The following UNC13B variants were observed in gnomAD, a reference collection of about 807,000 sequenced individuals.
UNC13B encodes the protein unc-13 homolog B, also known as protein unc-13 homolog B.
In UNC13B, 144 loss-of-function variants were observed where a neutral mutation model predicts 211.0. The observed-to-expected ratio is 0.68, with a 90% confidence interval of 0.60 to 0.78. The LOEUF is 0.78. UNC13B is among the 30% of genes least tolerant of loss of function. The pLI is 0.00. For missense variants in UNC13B, 1,777 were observed against 2,002.0 expected, an observed-to-expected ratio of 0.89 and a Z score of 2.14; for synonymous variants, 709 against 725.8, an observed-to-expected ratio of 0.98 and a Z score of 0.37.
intron 11 of UNC13B, among the ~76,000 whole-genome samples, chr9:35,354,866 A>G (rs925767811): frequency 3.3e-5 from 5 of 152,194 alleles, no homozygotes; most frequent in African/African-American, 9.7e-5. Flanking sequence ...AAATATATAT[A>G]TACCCTTTAA....
intron 7 of UNC13B, among the ~76,000 whole-genome samples, chr9:35,279,636 C>G (rs1174175084): frequency 1.3e-5 from 2 of 152,100 alleles, no homozygotes; most frequent in Non-Finnish European, 2.9e-5. Context: ...ATTTTATATA[C>G]ATAATTTTAT....
rs889407909 is a variant in UNC13B, at chr9:35,304,504, T to C, written c.5100T>C (p.Asp1700=). The stretch of plus-strand genomic sequence containing the variant: ...GCAGAGATCAAATTATAGAGAGAGA[T>C]AAAAACCAGCCTCTAGCTGAAGATT... ...VSSRDQIIER[D]KNQPLAEDSS... The change falls in exon 9 of 40, where the codon GAT becomes GAC. Residue 1700 remains aspartate, a synonymous_variant. Transcript: ENST00000635942. The C allele has an allele frequency of 2.5e-6, 1 of 398,648 alleles. No individual in the cohort carries two copies. Among genetic ancestry groups the C allele is most frequent in the South Asian group, 1.3e-4 (1 of 7,842 alleles). 24.7% of individuals were successfully genotyped at this position (398,648 alleles called of 1,614,324 possible).
chr9:35,190,767 A>G (rs1466974899), intron 1 of UNC13B, among the ~76,000 whole-genome samples: 4 of 152,240 alleles, frequency 2.6e-5, no homozygotes, highest in Admixed American at 2.0e-4. Flanking sequence ...AAGTATATCT[A>G]TAACTGGGAT....
intron 1 of UNC13B, among the ~76,000 whole-genome samples, chr9:35,181,273 A>G (rs1053835048): frequency 1.3e-5 from 2 of 151,900 alleles, no homozygotes; most frequent in Admixed American, 1.3e-4. Context: ...TTGTTTTTCT[A>G]TGTTTCATGA....
chr9:35,236,349 T>A, intron 3 of UNC13B, 120 bp from the exon 4 acceptor site: 3 of 804,118 alleles, frequency 3.7e-6, no homozygotes, highest in Non-Finnish European at 5.9e-6. Context: ...TGGGAAATTT[T>A]GATTTTTCCT....
intron 37 of UNC13B, 24 bp from the exon 38 acceptor site, chr9:35,403,143 A>G (rs770655173): frequency 1.9e-6 from 3 of 1,606,826 alleles, no homozygotes; most frequent in African/African-American, 2.7e-5. Flanking sequence ...CCAATGGGGA[A>G]TCATCTCTCC....
chr9:35,181,063 A>C (rs1328315978), intron 1 of UNC13B, among the ~76,000 whole-genome samples: 1 of 152,096 alleles, frequency 6.6e-6, no homozygotes. Context: ...ACACCTCTGC[A>C]CTCCAGCCTG....
chr9:35,270,512 CACAA>C (rs1164587113), intron 7 of UNC13B, among the ~76,000 whole-genome samples: 3 of 151,996 alleles, frequency 2.0e-5, no homozygotes, highest in African/African-American at 4.8e-5. Context: ...CTGTAATGTA[CACAA>C]ACAAATTTTA....
At chr9:35,232,686 T>C (rs1228986682) in intron 3 of UNC13B, among the ~76,000 whole-genome samples, 1 of 152,090 alleles carries the variant, frequency 6.6e-6, no homozygotes, top group Non-Finnish European at 1.5e-5. Context: ...AATCTTATAT[T>C]TGAGATTCTT....
At chr9:35,269,085 G>GCA (rs1334579043) in intron 7 of UNC13B, among the ~76,000 whole-genome samples, 2 of 152,156 alleles carry the variant, frequency 1.3e-5, no homozygotes, top group Non-Finnish European at 2.9e-5. Flanking sequence ...TGGAGTTAGT[G>GCA]CAGACCCTAC....
chr9:35,165,738 C>A (rs1379905586), intron 1 of UNC13B, among the ~76,000 whole-genome samples: 6 of 152,064 alleles, frequency 3.9e-5, no homozygotes, highest in East Asian at 1.9e-4. Flanking sequence ...TTTTAAGAAA[C>A]CACTCTTTTA....
chr9:35,246,887 G>T (rs1826133443), intron 6 of UNC13B, among the ~76,000 whole-genome samples: 1 of 152,190 alleles, frequency 6.6e-6, no homozygotes, highest in Non-Finnish European at 1.5e-5. Context: ...ATTCTGTGAA[G>T]AAAGTCATTG....
chr9:35,297,561 T>TTTTTTTTTGTTTTGTTTTTTTG lies in UNC13B; in HGVS notation c.761+1637_761+1638insTTGTTTTGTTTTTTTGTTTTTT. On this transcript the variant is annotated intron_variant, in intron 8 of 39. Coordinates refer to ENST00000635942, the MANE Select transcript of UNC13B (RefSeq NM_001371189.2). ...ACATACTTTGTCTTTTTTTTTTTTT[T>TTTTTTTTTGTTTTGTTTTTTTG]TTTTTTGAGACGGAGTCTCGCTCTT... is the stretch of plus-strand genomic sequence containing the variant. 1.4e-3 allele frequency among the ~76,000 whole-genome samples: 184 copies of TTTTTTTTTGTTTTGTTTTTTTG among 128,210 alleles called. 1 individual carries two copies. The highest frequency in any genetic ancestry group is 2.6e-3 in the Non-Finnish European group (151 of 59,064). The allele number at this position is 128,210 out of a possible 152,430, so 84.1% of individuals were successfully genotyped here.
In UNC13B at chr9:35,208,643, A is replaced by T. The variant is rs963240932; in HGVS notation, c.23-19372A>T. On this transcript the variant is annotated intron_variant, in intron 1 of 39. Coordinates refer to ENST00000635942, the MANE Select transcript of UNC13B (RefSeq NM_001371189.2). ...GTGGGGAGGTGCTACACACTTTTAAAACAACCAGATTTCATAACTCCTCAT... is the reference window on the plus strand; with the variant it reads ...GTGGGGAGGTGCTACACACTTTTAATACAACCAGATTTCATAACTCCTCAT... 3.9e-5 allele frequency among the ~76,000 whole-genome samples: 6 copies of T among 152,254 alleles called. No homozygotes were observed. In the South Asian group the frequency reaches 6.2e-4, roughly 16 times the overall value.
intron 1 of UNC13B, among the ~76,000 whole-genome samples, chr9:35,182,696 A>G (rs1225378235): frequency 6.6e-6 from 1 of 152,134 alleles, no homozygotes; most frequent in Non-Finnish European, 1.5e-5. Context: ...GCTGCCTTCA[A>G]GCATCTGTTT....
chr9:35,286,669 A>G (rs1828814329), intron 7 of UNC13B, among the ~76,000 whole-genome samples: 2 of 152,112 alleles, frequency 1.3e-5, no homozygotes, highest in Non-Finnish European at 2.9e-5. Flanking sequence ...AGCCTGGACA[A>G]CATAGTGAGG....
At position 35,213,321 on chromosome 9, in the gene UNC13B, G is replaced by A. The variant is rs376255904; in HGVS notation, c.23-14694G>A. On this transcript the variant is annotated intron_variant, in intron 1 of 39. Transcript: ENST00000635942. ...ACCAGGCAGTTTGTACTCCTTTCCC[G>A]GTCTCCCCTGCATCTGGTATCAGGA... is the stretch of plus-strand genomic sequence containing the variant. Among the ~76,000 whole-genome samples, 8 of 152,036 alleles carry A rather than the reference G, an allele frequency of 5.3e-5. No individual in the cohort carries two copies. The South Asian group carries it at 1.5e-3, about 28-fold the overall frequency.
intron 7 of UNC13B, among the ~76,000 whole-genome samples, chr9:35,287,138 CT>C (rs35553171): frequency 1.0e-3 from 142 of 142,474 alleles, no homozygotes; most frequent in Middle Eastern, 7.4e-3. Context: ...TTCTTTCTTT[CT>C]TTTTTTTTTT....
intron 1 of UNC13B, among the ~76,000 whole-genome samples, chr9:35,176,891 ATATTCTAGGCAGAGGAAATAG>A (rs2131283236): frequency 6.6e-6 from 1 of 152,322 alleles, no homozygotes; most frequent in South Asian, 2.1e-4. Context: ...AAGGAGAAGA[ATATTCTAGGCAGAGGAAATAG>A]TATGTGCAAA....
Sources: allele counts gnomAD v4.1 joint callset (sites outside exome capture counted in the v4.1 genomes callset), GRCh38; gene constraint gnomAD v4.1.1; transcripts MANE v1.5; gene names NCBI Gene and HGNC (gene_info 2026-07-23, HGNC 2026-07-21).